SCFD2: variants seen among roughly 807,000 people sequenced by gnomAD.
SCFD2 encodes the protein sec1 family domain containing 2.
In SCFD2, 54 loss-of-function variants were observed where a neutral mutation model predicts 58.9. The ratio of observed to expected loss-of-function variants is 0.92; its 90% CI spans 0.74 to 1.15. SCFD2 has a LOEUF of 1.15. Among genes scored for constraint, SCFD2 ranks in the 50% most tolerant of loss-of-function variants. The pLI is 0.00. For synonymous variants in SCFD2, 321 were observed against 335.9 expected (o/e 0.96, Z 0.49); for missense variants, 805 against 836.6 (o/e 0.96, Z 0.47).
At chr4:53,179,941 G>A (rs1727486466) in intron 4 of SCFD2, among the ~76,000 whole-genome samples, 1 of 152,188 alleles carries the variant, frequency 6.6e-6, no homozygotes, top group South Asian at 2.1e-4. Flanking sequence ...AATTCAACAA[G>A]AAGAGCTAAC....
At chr4:52,959,097 A>G (rs1025244435) in intron 5 of SCFD2, among the ~76,000 whole-genome samples, 1 of 152,188 alleles carries the variant, frequency 6.6e-6, no homozygotes, top group Admixed American at 6.5e-5. Flanking sequence ...TGAATCCAGA[A>G]AGTCTGACTC....
intron 4 of SCFD2, among the ~76,000 whole-genome samples, chr4:53,183,572 C>T (rs1297888128): frequency 1.2e-4 from 18 of 151,846 alleles, no homozygotes; most frequent in Non-Finnish European, 1.9e-4. Flanking sequence ...TTAATGGGTG[C>T]AGCACACCAA....
At chr4:53,298,899 G>A (rs1467634034) in intron 3 of SCFD2, among the ~76,000 whole-genome samples, 1 of 152,152 alleles carries the variant, frequency 6.6e-6, no homozygotes, top group Non-Finnish European at 1.5e-5. Context: ...CTGTTAGAAG[G>A]AAAACTAACA....
chr4:52,877,450 AGTCT>A (rs1718500166), intron 8 of SCFD2, among the ~76,000 whole-genome samples: 1 of 152,174 alleles, frequency 6.6e-6, no homozygotes, highest in African/African-American at 2.4e-5. Context: ...AGGAGGGTCC[AGTCT>A]GCGCTGGACC....
intron 5 of SCFD2, among the ~76,000 whole-genome samples, chr4:53,043,424 A>C (rs990789231): frequency 6.6e-6 from 1 of 152,202 alleles, no homozygotes; most frequent in Non-Finnish European, 1.5e-5. Context: ...AAAAGAAATC[A>C]GCCATGCTTA....
At chr4:53,244,078 C>T (rs1375818222) in intron 4 of SCFD2, among the ~76,000 whole-genome samples, 1 of 152,066 alleles carries the variant, frequency 6.6e-6, no homozygotes, top group Non-Finnish European at 1.5e-5. Context: ...ACAGGAGCAT[C>T]CAGATTCATA....
chr4:53,289,731 A>G (rs767169591), intron 3 of SCFD2, among the ~76,000 whole-genome samples: 4 of 152,106 alleles, frequency 2.6e-5, no homozygotes, highest in Non-Finnish European at 5.9e-5. Flanking sequence ...GCTGCCCACA[A>G]AAGACCCATT....
intron 4 of SCFD2, among the ~76,000 whole-genome samples, chr4:53,266,326 T>C (rs1281938186): frequency 1.3e-5 from 2 of 152,202 alleles, no homozygotes; most frequent in Non-Finnish European, 2.9e-5. Context: ...TATTGAGGAT[T>C]TACTGTACTT....
At chr4:53,237,633 C>T (rs1325040019) in intron 4 of SCFD2, among the ~76,000 whole-genome samples, 176 of 107,762 alleles carry the variant, frequency 1.6e-3, no homozygotes, top group Non-Finnish European at 2.2e-3. Flanking sequence ...GGCGGCTGGC[C>T]GGGCGGGGGG....
chr4:53,179,505 T>C (rs892568290), intron 4 of SCFD2, among the ~76,000 whole-genome samples: 1 of 152,126 alleles, frequency 6.6e-6, no homozygotes, highest in Non-Finnish European at 1.5e-5. Flanking sequence ...AAGGAAGCAC[T>C]AAAGATGAAA....
intron 5 of SCFD2, among the ~76,000 whole-genome samples, chr4:53,143,069 G>A (rs1481898557): frequency 6.6e-6 from 1 of 152,042 alleles, no homozygotes; most frequent in Non-Finnish European, 1.5e-5. Context: ...TAGTACAAAT[G>A]CACAGAAGTA....
At chr4:53,153,868 C>T (rs1389015850) in intron 4 of SCFD2, among the ~76,000 whole-genome samples, 1 of 152,204 alleles carries the variant, frequency 6.6e-6, no homozygotes, top group Non-Finnish European at 1.5e-5. Context: ...GAAATTTCTT[C>T]TGCCAGAAAC....
chr4:52,971,735 T>C (rs961550466), intron 5 of SCFD2, among the ~76,000 whole-genome samples: 27 of 151,950 alleles, frequency 1.8e-4, no homozygotes, highest in African/African-American at 6.3e-4. Context: ...AAAGTTGAAA[T>C]GAAGGAAAAA....
intron 5 of SCFD2, among the ~76,000 whole-genome samples, chr4:52,953,177 T>C (rs1346119750): frequency 2.6e-5 from 4 of 152,126 alleles, no homozygotes; most frequent in Admixed American, 2.6e-4. Context: ...TCACAGTGAG[T>C]CCTTGGGAGA....
chr4:53,249,531 A>C (rs1730266876), intron 4 of SCFD2, among the ~76,000 whole-genome samples: 1 of 152,232 alleles, frequency 6.6e-6, no homozygotes, highest in African/African-American at 2.4e-5. Flanking sequence ...AAATGAAGGA[A>C]AAAATGTTAA....
At chr4:53,076,390 G>A (rs1325098425) in intron 5 of SCFD2, among the ~76,000 whole-genome samples, 6 of 152,064 alleles carry the variant, frequency 3.9e-5, no homozygotes, top group East Asian at 3.9e-4. Context: ...AGGCAAGAGC[G>A]GACCCATCTG....
chr4:52,894,572 C>T (rs528108541), intron 7 of SCFD2, among the ~76,000 whole-genome samples: 1 of 152,318 alleles, frequency 6.6e-6, no homozygotes, highest in Non-Finnish European at 1.5e-5. Flanking sequence ...CTCTAAGGAG[C>T]TCAAGGTATT....
chr4:53,014,433 G>C (rs1722164822), intron 5 of SCFD2, among the ~76,000 whole-genome samples: 1 of 152,156 alleles, frequency 6.6e-6, no homozygotes, highest in African/African-American at 2.4e-5. Flanking sequence ...TTTAAGTGTG[G>C]TATGTAACAT....
At chr4:53,005,396 C>T (rs1413312007) in intron 5 of SCFD2, among the ~76,000 whole-genome samples, 1 of 152,168 alleles carries the variant, frequency 6.6e-6, no homozygotes, top group Non-Finnish European at 1.5e-5. Flanking sequence ...GGCATTTGAC[C>T]CTGCTCAGCA....
Sources: gnomAD v4.1 joint callset for allele counts (sites outside exome capture counted in the v4.1 genomes callset) on GRCh38, gnomAD v4.1.1 for gene constraint, MANE v1.5 for transcripts, NCBI Gene and HGNC (gene_info 2026-07-23, HGNC 2026-07-21) for gene names.